The following PRIM2 variants were observed in gnomAD, a reference collection of about 807,000 sequenced individuals.
The protein encoded by PRIM2 is DNA primase subunit 2.
Under a neutral mutation model 67.3 loss-of-function variants are expected in PRIM2, and 39 were observed. That is an observed-to-expected ratio of 0.58 (90% confidence interval 0.45 to 0.76). The LOEUF (loss-of-function observed/expected upper bound fraction) is 0.76. Among genes scored for constraint, PRIM2 ranks in the 30% least tolerant of loss-of-function variants. PRIM2 has a pLI of 0.00. For synonymous variants in PRIM2, 143 were observed against 198.7 expected (o/e 0.72, Z 2.36); for missense variants, 398 against 598.7 (o/e 0.66, Z 3.50).
chr6:57,294,433 A>G, the PRIM2 span, among the ~76,000 whole-genome samples: 2 of 152,166 alleles, frequency 1.3e-5, no homozygotes, highest in Non-Finnish European at 2.9e-5. Flanking sequence ...GTGAGCCGAG[A>G]TCGTGCTACT....
At chr6:57,229,492 A>AT in the PRIM2 span, among the ~76,000 whole-genome samples, 333 of 78,766 alleles carry the variant, frequency 4.2e-3, 2 homozygotes, top group Admixed American at 9.3e-3. Context: ...TTTTTTATTT[A>AT]TTTTTTTTTT....
intron 10 of PRIM2, among the ~76,000 whole-genome samples, 187 bp downstream of exon 10, chr6:57,537,812 G>A (rs2127470142): frequency 6.6e-6 from 1 of 152,188 alleles, no homozygotes; most frequent in East Asian, 1.9e-4. Context: ...AAAGATTGGG[G>A]AAGGAATGTT....
the PRIM2 span, among the ~76,000 whole-genome samples, chr6:57,258,697 T>G: frequency 6.6e-6 from 1 of 150,760 alleles, no homozygotes; most frequent in Non-Finnish European, 1.5e-5. Context: ...AGTGTAAGAC[T>G]AAGGGCATCT....
At chr6:57,612,793 CTT>C (rs1286246615) in intron 12 of PRIM2, among the ~76,000 whole-genome samples, 15 of 131,092 alleles carry the variant, frequency 1.1e-4, no homozygotes, top group Non-Finnish European at 1.6e-4. Flanking sequence ...TTCTTTTCGC[CTT>C]TTTTTTTTTT....
At chr6:57,410,890 C>T (rs1448365126) in intron 7 of PRIM2, among the ~76,000 whole-genome samples, 1 of 150,456 alleles carries the variant, frequency 6.6e-6, no homozygotes, top group East Asian at 1.9e-4. Flanking sequence ...GGCCTTTTAT[C>T]AGGTTAAGGA....
At chr6:57,268,180 T>C in the PRIM2 span, among the ~76,000 whole-genome samples, 1 of 152,172 alleles carries the variant, frequency 6.6e-6, no homozygotes, top group Non-Finnish European at 1.5e-5. Flanking sequence ...GGAGGAGACA[T>C]GTCTTCCTAG....
chr6:57,457,914 CG>C (rs1276131374), intron 7 of PRIM2, among the ~76,000 whole-genome samples: 1 of 152,164 alleles, frequency 6.6e-6, no homozygotes, highest in Non-Finnish European at 1.5e-5. Context: ...TGTTCCTATT[CG>C]GCCATCTTCC....
chr6:57,276,260 C>T, the PRIM2 span, among the ~76,000 whole-genome samples: 1 of 151,922 alleles, frequency 6.6e-6, no homozygotes, highest in Non-Finnish European at 1.5e-5. Flanking sequence ...TGTGGTGGCT[C>T]ACGTCTGTAA....
chr6:57,392,637 C>T (rs924129659), intron 7 of PRIM2, among the ~76,000 whole-genome samples: 2 of 149,992 alleles, frequency 1.3e-5, no homozygotes, highest in African/African-American at 4.9e-5. Context: ...GGAAAATATT[C>T]GTTTTTTTTT....
intron 7 of PRIM2, among the ~76,000 whole-genome samples, chr6:57,395,956 C>T (rs1770502734): frequency 6.6e-6 from 1 of 152,132 alleles, no homozygotes; most frequent in African/African-American, 2.4e-5. Context: ...TATGTATTTG[C>T]ATGATTTTGA....
chr6:57,348,610 T>A (rs1768754270), intron 5 of PRIM2, among the ~76,000 whole-genome samples: 1 of 152,158 alleles, frequency 6.6e-6, no homozygotes, highest in South Asian at 2.1e-4. Flanking sequence ...TGGCCATCTT[T>A]ATGGTATTTT....
chr6:57,311,531 C>T (rs1358049626), upstream of PRIM2, among the ~76,000 whole-genome samples: 2 of 152,080 alleles, frequency 1.3e-5, no homozygotes, highest in South Asian at 2.1e-4. Context: ...CAGAGACGTT[C>T]CTCACTTCCT....
intron 12 of PRIM2, among the ~76,000 whole-genome samples, chr6:57,615,223 G>T (rs1776733221): frequency 6.6e-6 from 1 of 151,854 alleles, no homozygotes; most frequent in Non-Finnish European, 1.5e-5. Flanking sequence ...TTCGAGACCA[G>T]CCTGGGTAAC....
chr6:57,456,184 G>A (rs1026775046), intron 7 of PRIM2, among the ~76,000 whole-genome samples: 4 of 152,092 alleles, frequency 2.6e-5, no homozygotes, highest in Middle Eastern at 3.2e-3. Context: ...TCCCTTTGTG[G>A]GTAACCCGAC....
the PRIM2 span, among the ~76,000 whole-genome samples, chr6:57,228,483 A>G: frequency 1.2e-3 from 186 of 152,350 alleles, no homozygotes; most frequent in African/African-American, 4.1e-3. Context: ...CCTATTTTAA[A>G]CATTGAGTTG....
intron 7 of PRIM2, among the ~76,000 whole-genome samples, chr6:57,461,849 G>C (rs1453359868): frequency 2.6e-5 from 4 of 152,150 alleles, no homozygotes; most frequent in African/African-American, 9.7e-5. Context: ...AAACATTATG[G>C]ATTTAAAATG....
chr6:57,472,676 C>T (rs1773366074), intron 7 of PRIM2, among the ~76,000 whole-genome samples: 1 of 152,154 alleles, frequency 6.6e-6, no homozygotes, highest in Non-Finnish European at 1.5e-5. Flanking sequence ...ATTTAATCAG[C>T]ATGAAATCTT....
At chr6:57,232,038 A>G in the PRIM2 span, among the ~76,000 whole-genome samples, 1 of 152,238 alleles carries the variant, frequency 6.6e-6, no homozygotes, top group African/African-American at 2.4e-5. Context: ...AGATTCAGAA[A>G]TTCTTCTATT....
chr6:57,379,252 A>G (rs1289448114), intron 5 of PRIM2, among the ~76,000 whole-genome samples: 2 of 124,842 alleles, frequency 1.6e-5, no homozygotes, highest in Non-Finnish European at 3.3e-5. Flanking sequence ...ACTGCCAACT[A>G]GGGGCTTACT....
Sources: allele counts gnomAD v4.1 joint callset (sites outside exome capture counted in the v4.1 genomes callset), GRCh38; gene constraint gnomAD v4.1.1; transcripts MANE v1.5; gene names NCBI Gene and HGNC (gene_info 2026-07-23, HGNC 2026-07-21).